The following TEK variants were observed in gnomAD, a reference collection of about 807,000 sequenced individuals.
TEK encodes TEK receptor tyrosine kinase.
TEK carries 43 observed loss-of-function variants against 131.8 expected under a neutral mutation model. That is an observed-to-expected ratio of 0.33 (90% CI 0.26 to 0.42). TEK has a LOEUF of 0.42. Ranked by LOEUF, TEK falls within the 10% of genes least tolerant of loss-of-function variation. TEK has a pLI of 1.00. For missense variants in TEK, 1,162 were observed against 1,384.4 expected (o/e 0.84, Z 2.55); for synonymous variants, 580 against 491.6 (o/e 1.18, Z -2.38).
chr9:27,121,988 C>G (rs1223139077), intron 1 of TEK, among the ~76,000 whole-genome samples: 1 of 152,212 alleles, frequency 6.6e-6, no homozygotes, highest in Non-Finnish European at 1.5e-5. Flanking sequence ...AATTTTGTTT[C>G]TCCCAGGAAA....
At chr9:27,204,805 G>T in intron 13 of TEK, 106 bp from the exon 14 acceptor site, 1 of 1,491,798 alleles carries the variant, frequency 6.7e-7, no homozygotes, top group Non-Finnish European at 9.3e-7. Context: ...GCAGGGTTAA[G>T]GCTGCTGTTA....
chr9:27,206,691 A>G lies in TEK; in HGVS notation c.2474A>G (p.Lys825Arg), dbSNP rs1442482528. The G allele has an allele frequency of 5.0e-6, 8 of 1,613,984 alleles. No individual in the cohort carries two copies. Among genetic ancestry groups the G allele is most frequent in the Non-Finnish European group, 6.8e-6 (8 of 1,180,010 alleles). ...IYPVLDWNDI[K>R]FQDVIGEGNF... ...CCAGTGCTTGACTGGAATGACATCA[A>G]ATTTCAAGATGTGATTGGGGAGGGC... The change falls in exon 15 of 23, where the codon AAA (lysine) becomes AGA (arginine). Residue 825 changes from lysine (K) to arginine (R), a missense_variant. By Grantham distance (26) the Lys-to-Arg change is conservative. This residue lies in a region of TEK where 477 missense variants were observed against 471.0 expected (regional missense o/e 1.01). Transcript: ENST00000380036.
At chr9:27,120,447 A>G (rs1031066459) in intron 1 of TEK, among the ~76,000 whole-genome samples, 13 of 152,236 alleles carry the variant, frequency 8.5e-5, no homozygotes, top group Admixed American at 2.0e-4. Flanking sequence ...AGGCGAAAAC[A>G]TGGCCTGAAG....
chr9:27,158,941 G>A (rs1823444139), intron 2 of TEK, among the ~76,000 whole-genome samples: 1 of 152,194 alleles, frequency 6.6e-6, no homozygotes, highest in South Asian at 2.1e-4. Context: ...TTACAGGCGT[G>A]AGCCACCATG....
rs544396227 is a variant in TEK, at chr9:27,212,795, A to G, written c.2775A>G (p.Ala925=). 2.5e-6 allele frequency: 4 copies of G among 1,614,028 alleles called. No individual in the cohort carries two copies. The African/African-American group carries it at 4.0e-5, about 16-fold the overall frequency. ...GCCGTGTGCTGGAGACGGACCCAGC[A>G]TTTGCCATTGCCAATAGCACCGCGT... ...RKSRVLETDP[A]FAIANSTAST... Residue 925 remains alanine, a synonymous_variant, in exon 17 of 23, where the codon GCA becomes GCG. Transcript: ENST00000380036.
intron 18 of TEK, among the ~76,000 whole-genome samples, chr9:27,214,604 C>T (rs1825752138): frequency 6.6e-6 from 1 of 152,128 alleles, no homozygotes; most frequent in African/African-American, 2.4e-5. Flanking sequence ...TACTCAAGAA[C>T]ATTTTGAAAG....
intron 12 of TEK, among the ~76,000 whole-genome samples, chr9:27,200,490 G>C (rs140834766): frequency 6.6e-6 from 1 of 152,324 alleles, no homozygotes; most frequent in East Asian, 1.9e-4. Context: ...TGGTAGTAGG[G>C]ATGTGAGATT....
At chr9:27,160,678 C>G (rs1007712580) in intron 2 of TEK, among the ~76,000 whole-genome samples, 6 of 152,172 alleles carry the variant, frequency 3.9e-5, no homozygotes, top group African/African-American at 1.4e-4. Context: ...AGGCAGCAAA[C>G]TCATTTTAAG....
At chr9:27,121,468 A>G (rs1335170884) in intron 1 of TEK, among the ~76,000 whole-genome samples, 2 of 149,358 alleles carry the variant, frequency 1.3e-5, no homozygotes, top group African/African-American at 4.9e-5. Context: ...TTTTTATTTT[A>G]TAAATATATT....
At chr9:27,220,198 T>A (rs1826007084) in intron 21 of TEK, 53 bp downstream of exon 21, 1 of 1,572,680 alleles carries the variant, frequency 6.4e-7, no homozygotes, top group South Asian at 1.1e-5. Flanking sequence ...CCCTGTGTGT[T>A]TCTGGGGCCA....
rs1172877443 is a variant in TEK at position 27,119,099 on chromosome 9, G to T, written c.52+9457G>T. ...TATTTGTTTAAGCTATTTTGAGTTA[G>T]CTTCTATCCCTTGGAAGTGAATCAT... On this transcript the variant is annotated intron_variant, in intron 1 of 22. Transcript: ENST00000380036. Among the ~76,000 whole-genome samples, 6 of 152,114 alleles carry T rather than the reference G, an allele frequency of 3.9e-5. No individual in the cohort carries two copies. The East Asian group carries it at 1.2e-3, about 29-fold the overall frequency.
At chr9:27,153,867 G>A (rs1823224139) in intron 1 of TEK, among the ~76,000 whole-genome samples, 1 of 152,206 alleles carries the variant, frequency 6.6e-6, no homozygotes, top group African/African-American at 2.4e-5. Flanking sequence ...ACGGACCACA[G>A]TTGTACTCGT....
At position 27,202,768 on chromosome 9, in the gene TEK, C is replaced by A. The variant is rs879662917; in HGVS notation, c.1910-52C>A. The A allele has an allele frequency of 1.0e-4, 158 of 1,567,858 alleles. 1 individual carries two copies. Among genetic ancestry groups the A allele is most frequent in the Non-Finnish European group, 1.3e-4 (150 of 1,139,980 alleles). On this transcript the variant is annotated intron_variant, in intron 12 of 22. Coordinates refer to ENST00000380036, the MANE Select transcript of TEK (RefSeq NM_000459.5). Reference sequence around the variant, plus strand: ...AACTCTATCTCAAAAGCATAATGATCTAGGCCATGGTAGTATATCTTAAGT... The same window carrying A: ...AACTCTATCTCAAAAGCATAATGATATAGGCCATGGTAGTATATCTTAAGT...
intron 21 of TEK, among the ~76,000 whole-genome samples, chr9:27,220,438 C>G (rs375514569): frequency 6.6e-6 from 1 of 151,914 alleles, no homozygotes. Context: ...TTTAAACATA[C>G]AACACTATCC....
intron 1 of TEK, among the ~76,000 whole-genome samples, chr9:27,140,702 G>C: frequency 6.6e-6 from 1 of 151,920 alleles, no homozygotes; most frequent in African/African-American, 2.4e-5. Context: ...TACTTTATCT[G>C]TCAAAATGGG....
At chr9:27,152,036 C>T (rs7865376) in intron 1 of TEK, among the ~76,000 whole-genome samples, 48 of 152,190 alleles carry the variant, frequency 3.2e-4, no homozygotes, top group South Asian at 1.9e-3. Flanking sequence ...TTCTGAAATG[C>T]CTTTGGCCAA....
intron 2 of TEK, among the ~76,000 whole-genome samples, chr9:27,166,028 A>C (rs1170426889): frequency 6.6e-6 from 1 of 152,346 alleles, no homozygotes; most frequent in East Asian, 1.9e-4. Context: ...TCTTTCTCAA[A>C]CCACCATCTG....
chr9:27,141,367 C>G (rs1822716933), intron 1 of TEK, among the ~76,000 whole-genome samples: 1 of 152,210 alleles, frequency 6.6e-6, no homozygotes, highest in East Asian at 1.9e-4. Flanking sequence ...ACCTGTACTT[C>G]TCTATTTCTA....
intron 1 of TEK, among the ~76,000 whole-genome samples, chr9:27,121,250 C>T (rs563534170): frequency 2.6e-5 from 4 of 152,198 alleles, no homozygotes; most frequent in South Asian, 2.1e-4. Flanking sequence ...TCACTTAACC[C>T]GGGAGGCAGA....
Sources: allele counts gnomAD v4.1 joint callset (sites outside exome capture counted in the v4.1 genomes callset), GRCh38; gene constraint gnomAD v4.1.1; regional missense constraint gnomAD v4.1.1; transcripts MANE v1.5; gene names NCBI Gene and HGNC (gene_info 2026-07-23, HGNC 2026-07-21).